Variants in DENND4A observed in about 807,000 individuals in gnomAD.
DENND4A encodes the protein DENN domain containing 4A, also known as C-myc promoter-binding protein.
A neutral mutation model predicts 199.3 loss-of-function variants in DENND4A; 70 were observed. The observed-to-expected ratio is 0.35, with a 90% confidence interval of 0.29 to 0.43. The LOEUF (loss-of-function observed/expected upper bound fraction) is 0.43. Ranked by LOEUF, DENND4A falls within the 20% of genes least tolerant of loss-of-function variation. The probability of loss-of-function intolerance (pLI) is 1.00; values close to 1 mark genes in which losing one functional copy is unlikely to be tolerated. For synonymous variants in DENND4A, 686 were observed against 766.9 expected (o/e 0.89, Z 1.74); for missense variants, 1,723 against 2,255.8 (o/e 0.76, Z 4.78).
intron 4 of DENND4A, among the ~76,000 whole-genome samples, chr15:65,750,498 A>G (rs2076532597): frequency 6.6e-6 from 1 of 152,194 alleles, no homozygotes; most frequent in Non-Finnish European, 1.5e-5. Context: ...AAAAGTGAAA[A>G]AAGAAAAAGG....
chr15:65,745,614 A>G (rs1187760672), intron 4 of DENND4A, among the ~76,000 whole-genome samples: 3 of 152,186 alleles, frequency 2.0e-5, no homozygotes. Context: ...AAAATTTTAT[A>G]AAAATGGGCT....
chr15:65,702,415 T>A lies in DENND4A; in HGVS notation c.2320A>T (p.Ile774Phe). The change falls in exon 17 of 33, where the codon ATT becomes TTT. Residue 774 changes from isoleucine to phenylalanine, a missense_variant. Ile to Phe is a conservative substitution (Grantham distance 21). Coordinates refer to ENST00000443035, the MANE Select transcript of DENND4A (RefSeq NM_001320835.1). ...LLRHCYGLWF[I>F]CLPAYVKVCH... ...ACTTTCACATAAGCTGGGAGACAAA[T>A]AAACCACAGTCCATAACAGTGGCGC... The A allele has an allele frequency of 6.3e-7, 1 of 1,582,026 alleles. No homozygotes were observed. Among genetic ancestry groups the A allele is most frequent in the Non-Finnish European group, 8.6e-7 (1 of 1,163,552 alleles).
intron 7 of DENND4A, among the ~76,000 whole-genome samples, chr15:65,734,382 T>C (rs764337737): frequency 2.0e-5 from 3 of 152,108 alleles, no homozygotes; most frequent in Non-Finnish European, 4.4e-5. Flanking sequence ...CTGCTGACCC[T>C]CTCCCCACTA....
chr15:65,784,064 T>C (rs2077503370), intron 1 of DENND4A, among the ~76,000 whole-genome samples: 1 of 152,156 alleles, frequency 6.6e-6, no homozygotes, highest in Non-Finnish European at 1.5e-5. Flanking sequence ...CTTGATATGA[T>C]GCAATGAGAG....
intron 1 of DENND4A, among the ~76,000 whole-genome samples, chr15:65,764,497 G>A (rs1309393754): frequency 6.6e-6 from 1 of 152,028 alleles, no homozygotes; most frequent in Non-Finnish European, 1.5e-5. Flanking sequence ...TGGGCGTGGA[G>A]GCATGTGCCT....
At chr15:65,687,398 C>T (rs1418513946) in intron 23 of DENND4A, among the ~76,000 whole-genome samples, 1 of 150,234 alleles carries the variant, frequency 6.7e-6, no homozygotes. Context: ...TTTTTCTTTT[C>T]TTTTTTTTTC....
intron 14 of DENND4A, among the ~76,000 whole-genome samples, chr15:65,711,425 C>T (rs1207364714): frequency 1.3e-5 from 2 of 151,996 alleles, no homozygotes; most frequent in Non-Finnish European, 2.9e-5. Context: ...CCCAGGAGGT[C>T]GAGTCTGCAG....
At position 65,718,760 on chromosome 15, in the gene DENND4A, CTTTTTTTTTTTTT is replaced by C. The variant is rs1038227560; in HGVS notation, c.1589-777_1589-765del. 3.8e-3 allele frequency among the ~76,000 whole-genome samples: 258 copies of C among 67,776 alleles called. 2 individuals are homozygous for C. Among genetic ancestry groups the C allele is most frequent in the Middle Eastern group, 0.023 (2 of 88 alleles). 44.5% of individuals were successfully genotyped at this position (67,776 alleles called of 152,430 possible). On this transcript the variant is annotated intron_variant, in intron 12 of 32. Coordinates refer to ENST00000443035, the MANE Select transcript of DENND4A (RefSeq NM_001320835.1). The stretch of plus-strand genomic sequence containing the variant: ...TCAAAAGTTTTGCATGTTTTTTTTC[CTTTTTTTTTTTTT>C]TTTTTTTTTTTTTTTTGGTTTTTTG...
chr15:65,790,941 C>G (rs1357106420), intron 1 of DENND4A, among the ~76,000 whole-genome samples: 1 of 152,120 alleles, frequency 6.6e-6, no homozygotes, highest in African/African-American at 2.4e-5. Flanking sequence ...ACCTCCTCCC[C>G]CAAGGAGAGA....
chr15:65,723,170 G>A (rs2075699451), intron 11 of DENND4A, among the ~76,000 whole-genome samples: 1 of 152,126 alleles, frequency 6.6e-6, no homozygotes, highest in Non-Finnish European at 1.5e-5. Flanking sequence ...ATTAAATATA[G>A]TTCACAAGTT....
intron 1 of DENND4A, among the ~76,000 whole-genome samples, chr15:65,769,233 ACTC>A (rs1444968981): frequency 1.3e-4 from 19 of 149,772 alleles, no homozygotes; most frequent in Middle Eastern, 3.4e-3. Flanking sequence ...ACACACACAC[ACTC>A]AACTGTGGTA....
intron 7 of DENND4A, among the ~76,000 whole-genome samples, chr15:65,734,201 C>T (rs1018113437): frequency 9.9e-5 from 15 of 152,166 alleles, no homozygotes; most frequent in African/African-American, 2.4e-4. Flanking sequence ...CCCGATTGTA[C>T]GTTCCATCTA....
At position 65,787,408 on chromosome 15, in the gene DENND4A, C is replaced by G. The variant is rs1046349476; in HGVS notation, c.-102+4602G>C. Among the ~76,000 whole-genome samples the G allele has an allele frequency of 4.6e-5, 7 of 152,276 alleles. No homozygotes were observed. In the East Asian group the frequency reaches 1.4e-3, roughly 29 times the overall value. On this transcript the variant is annotated intron_variant, in intron 1 of 32. Coordinates refer to ENST00000443035, the MANE Select transcript of DENND4A (RefSeq NM_001320835.1). ...TTCTCAGTGAAAATAAAGTATAACA[C>G]TAGCAGGAAAATTCCCTTGATATCT... is the stretch of plus-strand genomic sequence containing the variant.
intron 12 of DENND4A, among the ~76,000 whole-genome samples, chr15:65,719,047 T>A (rs992181751): frequency 2.0e-5 from 3 of 151,942 alleles, no homozygotes; most frequent in Non-Finnish European, 2.9e-5. Flanking sequence ...CCCAAAGTGC[T>A]GGGATTATAG....
intron 23 of DENND4A, among the ~76,000 whole-genome samples, chr15:65,677,880 G>A (rs1376869882): frequency 1.4e-5 from 2 of 147,162 alleles, no homozygotes; most frequent in African/African-American, 5.0e-5. Flanking sequence ...TATAGTTTTA[G>A]CATTAGTTTT....
At chr15:65,779,925 A>T (rs2077391707) in intron 1 of DENND4A, among the ~76,000 whole-genome samples, 1 of 148,760 alleles carries the variant, frequency 6.7e-6, no homozygotes, top group Non-Finnish European at 1.5e-5. Flanking sequence ...ATTTTTGGAG[A>T]AATGGGGTCT....
intron 23 of DENND4A, among the ~76,000 whole-genome samples, chr15:65,687,750 T>C (rs1174884239): frequency 6.6e-6 from 1 of 152,102 alleles, no homozygotes; most frequent in Non-Finnish European, 1.5e-5. Context: ...TATGGCTCCG[T>C]AGGTAATGAA....
chr15:65,693,006 A>G (rs1469029176), intron 22 of DENND4A, among the ~76,000 whole-genome samples: 2 of 152,192 alleles, frequency 1.3e-5, no homozygotes. Flanking sequence ...TCATGCACCC[A>G]GAAGAACAGG....
chr15:65,778,146 A>G (rs2077332456), intron 1 of DENND4A, among the ~76,000 whole-genome samples: 1 of 152,236 alleles, frequency 6.6e-6, no homozygotes, highest in African/African-American at 2.4e-5. Flanking sequence ...ACTTCAGTGT[A>G]GTTATGAGTA....
Sources: allele counts gnomAD v4.1 joint callset (sites outside exome capture counted in the v4.1 genomes callset), GRCh38; gene constraint gnomAD v4.1.1; transcripts MANE v1.5; gene names NCBI Gene and HGNC (gene_info 2026-07-23, HGNC 2026-07-21).